Variants in PCDHGA1 observed in about 807,000 individuals in gnomAD.
The protein encoded by PCDHGA1 is protocadherin gamma subfamily A, 1.
PCDHGA1 carries 32 observed loss-of-function variants against 58.0 expected under a neutral mutation model. The observed-to-expected ratio is 0.55, with a 90% CI of 0.42 to 0.74. PCDHGA1 has a LOEUF of 0.74. PCDHGA1 is among the 30% of genes least tolerant of loss of function. The probability of loss-of-function intolerance (pLI) is 0.00; values close to 1 mark genes in which losing one functional copy is unlikely to be tolerated. For missense variants in PCDHGA1, 1,205 were observed against 1,182.3 expected (o/e 1.02, Z -0.28); for synonymous variants, 498 against 501.1 (o/e 0.99, Z 0.08).
At chr5:141,480,591 T>G (rs557048485) in intron 1 of PCDHGA1, among the ~76,000 whole-genome samples, 1 of 138,080 alleles carries the variant, frequency 7.2e-6, no homozygotes, top group South Asian at 2.2e-4. Flanking sequence ...GCCGCTCTTC[T>G]GGTCAGCCTG....
At chr5:141,462,100 G>T (rs1202526885) in intron 1 of PCDHGA1, among the ~76,000 whole-genome samples, 1 of 152,164 alleles carries the variant, frequency 6.6e-6, no homozygotes, top group Non-Finnish European at 1.5e-5. Flanking sequence ...TGGGATTACA[G>T]GCATGAGCCA....
At chr5:141,453,201 C>A (rs115660512) in intron 1 of PCDHGA1, among the ~76,000 whole-genome samples, 1 of 152,206 alleles carries the variant, frequency 6.6e-6, no homozygotes, top group South Asian at 2.1e-4. Flanking sequence ...GCAGCCTCAA[C>A]CTCGTGCACT....
chr5:141,371,177 A>G lies in PCDHGA1; in HGVS notation c.2421+38072A>G, dbSNP rs757223785. 48 of 1,613,920 alleles carry G rather than the reference A, an allele frequency of 3.0e-5. No homozygotes were observed. In the South Asian group the frequency reaches 4.9e-4, roughly 17 times the overall value. ...AGAACCTGCCCGCTGGCTCCTCCGT[A>G]TTAAAAGTGATGGCCATTGACATGG... On this transcript the variant is annotated intron_variant, in intron 1 of 3. Coordinates refer to ENST00000517417, the MANE Select transcript of PCDHGA1 (RefSeq NM_018912.3).
chr5:141,421,055 C>A, intron 1 of PCDHGA1: 2 of 577,118 alleles, frequency 3.5e-6, no homozygotes, highest in South Asian at 2.4e-5. Flanking sequence ...GCCTCTACCA[C>A]ACAAAGCGGA....
Position 141,339,069 on chromosome 5 carries a change from A to G in PCDHGA1, c.2421+5964A>G, listed in dbSNP as rs750231064. The G allele has an allele frequency of 4.3e-6, 7 of 1,613,694 alleles. No homozygotes were observed. The South Asian group carries it at 5.5e-5, about 13-fold the overall frequency. On this transcript the variant is annotated intron_variant, in intron 1 of 3. Transcript: ENST00000517417. ...GAGGCCAGGGCCGGGCAGATTCGCT[A>G]TTCTGTGCGGGAAGAGATCGACAGA...
chr5:141,454,546 A>G (rs1342532359), intron 1 of PCDHGA1, among the ~76,000 whole-genome samples: 1 of 152,098 alleles, frequency 6.6e-6, no homozygotes, highest in African/African-American at 2.4e-5. Flanking sequence ...AGCTGAGATT[A>G]CAGGCATGTG....
chr5:141,469,603 GTAAAA>G (rs929191572), intron 1 of PCDHGA1, among the ~76,000 whole-genome samples: 9 of 152,038 alleles, frequency 5.9e-5, no homozygotes, highest in Admixed American at 1.3e-4. Context: ...AACAAAATAA[GTAAAA>G]TAAAATAAAT....
At chr5:141,345,453 G>T in intron 1 of PCDHGA1, 1 of 1,614,096 alleles carries the variant, frequency 6.2e-7, no homozygotes, top group Non-Finnish European at 8.5e-7. Flanking sequence ...CATCTTCTCA[G>T]TGACAGCCCA....
chr5:141,470,130 A>G (rs915991313), intron 1 of PCDHGA1, among the ~76,000 whole-genome samples: 4 of 151,534 alleles, frequency 2.6e-5, no homozygotes, highest in African/African-American at 4.9e-5. Flanking sequence ...CTTCGTCTCA[A>G]AAAAAAAGAT....
chr5:141,403,429 T>C (rs1282528901), intron 1 of PCDHGA1: 2 of 1,614,006 alleles, frequency 1.2e-6, no homozygotes, highest in Non-Finnish European at 1.7e-6. Flanking sequence ...AAGCTATTGA[T>C]CCGGATGTTG....
Position 141,365,829 on chromosome 5 carries a change from C to G in PCDHGA1, c.2421+32724C>G, listed in dbSNP as rs776903918. ...GCTGAAGACACATTTCAGGGGGCGC[C>G]CTTGTCCTCCTATGTATCCATTAAC... On this transcript the variant is annotated intron_variant, in intron 1 of 3. Coordinates refer to ENST00000517417, the MANE Select transcript of PCDHGA1 (RefSeq NM_018912.3). 3 of 1,613,964 alleles carry G rather than the reference C, an allele frequency of 1.9e-6. No individual in the cohort carries two copies. The South Asian group carries it at 3.3e-5, about 18-fold the overall frequency.
intron 1 of PCDHGA1, among the ~76,000 whole-genome samples, chr5:141,426,030 G>A (rs966664613): frequency 1.3e-5 from 2 of 152,168 alleles, no homozygotes; most frequent in Admixed American, 6.5e-5. Context: ...AATAGACTCA[G>A]AGCCCTGCTG....
chr5:141,510,984 C>G lies in PCDHGA1; in HGVS notation c.2607C>G (p.Ala869=). ...ADGSSTLGGG[A]GTMGLSARYG... ...GGAGCTCCACCCTGGGAGGGGGTGC[C>G]GGCACCATGGGATTGAGCGCCCGCT... The change falls in exon 4 of 4, where the codon GCC becomes GCG. Residue 869 remains alanine (A), a synonymous_variant. Transcript: ENST00000517417. The G allele has an allele frequency of 1.2e-6, 2 of 1,614,162 alleles. No homozygotes were observed. The highest frequency in any genetic ancestry group is 1.7e-6 in the Non-Finnish European group (2 of 1,180,012).
intron 1 of PCDHGA1, chr5:141,362,316 T>C: frequency 1.2e-6 from 2 of 1,614,050 alleles, no homozygotes; most frequent in Non-Finnish European, 1.7e-6. Flanking sequence ...GGGACTGTTT[T>C]CAGCCTGGTC....
At chr5:141,481,216 G>T (rs2099534005) in intron 1 of PCDHGA1, among the ~76,000 whole-genome samples, 3 of 152,110 alleles carry the variant, frequency 2.0e-5, no homozygotes, top group Admixed American at 6.5e-5. Flanking sequence ...ACATGGTAAG[G>T]TCTCCCAGCC....
chr5:141,407,505 T>TTTTTTTTTTTTTTTTTTTTTTTTTTTTTG (rs1460306566), intron 1 of PCDHGA1, among the ~76,000 whole-genome samples: 2 of 152,144 alleles, frequency 1.3e-5, no homozygotes, highest in Non-Finnish European at 1.5e-5. Context: ...CTGTTTTTCT[T>TTTTTTTTTTTTTTTTTTTTTTTTTTTTTG]AGGCTATGTA....
intron 1 of PCDHGA1, chr5:141,364,345 T>C: frequency 6.5e-7 from 1 of 1,543,088 alleles, no homozygotes; most frequent in African/African-American, 1.4e-5. Context: ...CGAGTCCACC[T>C]AGGGGCTGGG....
At chr5:141,404,150 G>T in intron 1 of PCDHGA1, 1 of 1,612,828 alleles carries the variant, frequency 6.2e-7, no homozygotes, top group South Asian at 1.1e-5. Flanking sequence ...TTCAGAAGAA[G>T]ATTATTACAG....
chr5:141,410,685 A>G, intron 1 of PCDHGA1: 1 of 1,528,540 alleles, frequency 6.5e-7, no homozygotes, highest in Non-Finnish European at 8.7e-7. Flanking sequence ...TTTTAGGCAT[A>G]CTACTTTATT....
Sources: gnomAD v4.1 joint callset for allele counts (sites outside exome capture counted in the v4.1 genomes callset) on GRCh38, gnomAD v4.1.1 for gene constraint, MANE v1.5 for transcripts, NCBI Gene and HGNC (gene_info 2026-07-23, HGNC 2026-07-21) for gene names.